ERAP2: variants seen among roughly 807,000 people sequenced by gnomAD.
The protein encoded by ERAP2 is endoplasmic reticulum aminopeptidase 2.
Under a neutral mutation model 111.1 loss-of-function variants are expected in ERAP2, and 118 were observed. The observed-to-expected ratio is 1.06, with a 90% CI of 0.92 to 1.24. The LOEUF (loss-of-function observed/expected upper bound fraction) is 1.24. ERAP2 is among the 50% of genes most tolerant of loss of function. ERAP2 has a pLI of 0.00. For synonymous variants in ERAP2, 410 were observed against 401.2 expected (o/e 1.02, Z -0.26); for missense variants, 1,131 against 1,125.8 (o/e 1.00, Z -0.07).
chr5:96,900,679 T>G (rs572824656), intron 10 of ERAP2, among the ~76,000 whole-genome samples: 4 of 152,098 alleles, frequency 2.6e-5, no homozygotes, highest in African/African-American at 9.6e-5. Context: ...ATACATAAAT[T>G]TATATTTATT....
At position 96,909,062 on chromosome 5, in the gene ERAP2, C is replaced by G; in HGVS notation, c.2114C>G (p.Ser705Trp). 1 of 1,614,112 alleles carries G rather than the reference C, an allele frequency of 6.2e-7. No individual in the cohort carries two copies. The highest frequency in any genetic ancestry group is 8.5e-7 in the Non-Finnish European group (1 of 1,179,988). ...CTCGAAGGTCTGAGTTACTTGGAATCGTTTTACCACATGATGGACAGAAGG... is the reference window on the plus strand; with the variant it reads ...CTCGAAGGTCTGAGTTACTTGGAATGGTTTTACCACATGATGGACAGAAGG... ...ALLEGLSYLE[S>W]FYHMMDRRNI... is the part of the protein sequence containing the mutation. Residue 705 changes from serine (S) to tryptophan (W), a missense_variant, in exon 14 of 19, where the codon TCG becomes TGG. By Grantham distance (177) the Ser-to-Trp change is radical (BLOSUM62 -3). Around this residue, in one of 3 missense-constraint regions of ERAP2, gnomAD observed 847 missense variants for 856.5 expected, o/e 0.99. Coordinates refer to ENST00000437043, the MANE Select transcript of ERAP2 (RefSeq NM_022350.5).
chr5:96,898,572 CAAA>C (rs770783071), intron 9 of ERAP2, among the ~76,000 whole-genome samples: 3 of 94,448 alleles, frequency 3.2e-5, no homozygotes, highest in Admixed American at 1.2e-4. Context: ...TACTAAAATA[CAAA>C]AAAAAAAAAA....
At chr5:96,889,342 C>T in intron 5 of ERAP2, 37 bp downstream of exon 5, 2 of 1,611,814 alleles carry the variant, frequency 1.2e-6, no homozygotes, top group South Asian at 1.1e-5. Flanking sequence ...TTCATTTTTG[C>T]TCATAAAACT....
At chr5:96,904,358 C>T (rs1785805187) in intron 13 of ERAP2, among the ~76,000 whole-genome samples, 1 of 152,198 alleles carries the variant, frequency 6.6e-6, no homozygotes, top group East Asian at 1.9e-4. Context: ...TACTGTGATG[C>T]ACTCACTTTA....
rs745754987 is a variant in ERAP2, at chr5:96,883,774, G to A, written c.576-18G>A. ...GATTTCACTTGTGCATTTTGGCTGG[G>A]GGTGGGTCTTTTCACAGAATTCTTG... On this transcript the variant is annotated intron_variant, in intron 2 of 18. Transcript: ENST00000437043. 2 of 1,605,956 alleles carry A rather than the reference G, an allele frequency of 1.2e-6. No individual in the cohort carries two copies. Among genetic ancestry groups the A allele is most frequent in the East Asian group, 2.2e-5 (1 of 44,532 alleles).
At position 96,886,725 on chromosome 5, in the gene ERAP2, A is replaced by T. The variant is rs765050239; in HGVS notation, c.785A>T (p.Tyr262Phe). The T allele has an allele frequency of 1.3e-6, 2 of 1,551,504 alleles. No homozygotes were observed. Among genetic ancestry groups the T allele is most frequent in the Admixed American group, 3.4e-5 (2 of 58,442 alleles). Residue 262 changes from tyrosine (Y) to phenylalanine (F), a missense_variant, in exon 4 of 19, where the codon TAC becomes TTC. Coordinates refer to ENST00000437043, the MANE Select transcript of ERAP2 (RefSeq NM_022350.5). ...HFETTVKMST[Y>F]LVAYIVCDFH... is the part of the protein sequence containing the mutation. Reference sequence around the variant, plus strand: ...GAAACTACTGTAAAAATGAGTACATACCTTGTAGCCTACATAGTTTGTGAT... The same window carrying T: ...GAAACTACTGTAAAAATGAGTACATTCCTTGTAGCCTACATAGTTTGTGAT...
In ERAP2 at chr5:96,918,143, T is replaced by C. The variant is rs1008161373; in HGVS notation, c.*538T>C. 3.3e-5 allele frequency: 5 copies of C among 152,352 alleles called. No homozygotes were observed. Among genetic ancestry groups the C allele is most frequent in the African/African-American group, 4.8e-5 (2 of 41,412 alleles). The allele number at this position is 152,352 out of a possible 1,614,324, so 9.4% of individuals were successfully genotyped here. Reference sequence around the variant, plus strand: ...TGATGGAGTGGTGGGGGAAGGCCAGTTCAGTATCCTATTTAAAAGTAAACT... The same window carrying C: ...TGATGGAGTGGTGGGGGAAGGCCAGCTCAGTATCCTATTTAAAAGTAAACT... On this transcript the variant is annotated 3_prime_UTR_variant, in exon 19 of 19. Coordinates refer to ENST00000437043, the MANE Select transcript of ERAP2 (RefSeq NM_022350.5).
intron 17 of ERAP2, among the ~76,000 whole-genome samples, chr5:96,915,112 A>G (rs775962361): frequency 6.6e-6 from 1 of 151,436 alleles, no homozygotes; most frequent in Non-Finnish European, 1.5e-5. Context: ...GGTTCAAGTG[A>G]CTCTCCTGCC....
At position 96,919,565 on chromosome 5, in the gene ERAP2, T is replaced by C. The variant is rs540515151; in HGVS notation, c.*1960T>C. ...TTCTTTTGTATTGTTATTTACAATA[T>C]TGTTAAATTGAATGCATTTGCAATT... On this transcript the variant is annotated 3_prime_UTR_variant, in exon 19 of 19. Coordinates refer to ENST00000437043, the MANE Select transcript of ERAP2 (RefSeq NM_022350.5). The C allele has an allele frequency of 6.6e-6, 1 of 152,410 alleles. No individual in the cohort carries two copies. Among genetic ancestry groups the C allele is most frequent in the South Asian group, 2.1e-4 (1 of 4,828 alleles). The allele number at this position is 152,410 out of a possible 1,614,324, so 9.4% of individuals were successfully genotyped here. A position where few individuals can be genotyped will look rare whatever the true frequency, so the allele number is the denominator to read the frequency against.
intron 6 of ERAP2, among the ~76,000 whole-genome samples, chr5:96,894,005 T>C (rs1379961650): frequency 6.6e-6 from 1 of 152,206 alleles, no homozygotes. Context: ...CAAAACTGAT[T>C]ATTTCCTCCT....
intron 6 of ERAP2, among the ~76,000 whole-genome samples, chr5:96,894,540 TAAAAC>T (rs1784674859): frequency 1.3e-5 from 2 of 152,084 alleles, no homozygotes; most frequent in African/African-American, 4.8e-5. Context: ...ACTAAATAAA[TAAAAC>T]ATAAAAGCAC....
intron 11 of ERAP2, 92 bp from the exon 12 acceptor site, chr5:96,902,182 T>C: frequency 1.2e-6 from 1 of 826,772 alleles, no homozygotes; most frequent in South Asian, 1.5e-5. Context: ...GATGGGTACT[T>C]AGGTGCCTTT....
chr5:96,887,711 T>C (rs962310391), intron 4 of ERAP2, among the ~76,000 whole-genome samples: 5 of 152,252 alleles, frequency 3.3e-5, no homozygotes, highest in African/African-American at 7.2e-5. Context: ...ATTATCTTTG[T>C]AGTTAAATAT....
In ERAP2 at chr5:96,909,074, T is replaced by TCGTTTGTCCACA; in HGVS notation, c.2126_2127insCGTTTGTCCACA (p.Met709delinsIleValCysProGln). On this transcript the variant is annotated protein_altering_variant, in exon 14 of 19. Transcript: ENST00000437043. Reference sequence around the variant, plus strand: ...AGTTACTTGGAATCGTTTTACCACATGATGGACAGAAGGAATATTTCAGAT... The same window carrying TCGTTTGTCCACA: ...AGTTACTTGGAATCGTTTTACCACATCGTTTGTCCACAGATGGACAGAAGGAATATTTCAGAT... 6.2e-7 allele frequency: 1 copy of TCGTTTGTCCACA among 1,614,118 alleles called. No homozygotes were observed. The highest frequency in any genetic ancestry group is 8.5e-7 in the Non-Finnish European group (1 of 1,179,992).
chr5:96,886,537 G>T, intron 3 of ERAP2, 118 bp from the exon 4 acceptor site: 2 of 758,944 alleles, frequency 2.6e-6, no homozygotes, highest in Middle Eastern at 4.3e-4. Flanking sequence ...CCCCTAGGAG[G>T]TCATCGATTG....
intron 5 of ERAP2, among the ~76,000 whole-genome samples, chr5:96,891,917 T>C (rs1020924209): frequency 1.3e-5 from 2 of 152,180 alleles, no homozygotes; most frequent in African/African-American, 4.8e-5. Context: ...CTCAAACATA[T>C]TAGAAATTAT....
chr5:96,876,964 A>G (rs1195167751), intron 1 of ERAP2, among the ~76,000 whole-genome samples: 1 of 151,828 alleles, frequency 6.6e-6, no homozygotes, highest in Non-Finnish European at 1.5e-5. Context: ...ATTTAATTTA[A>G]TTTATGTATT....
intron 6 of ERAP2, among the ~76,000 whole-genome samples, chr5:96,893,818 A>T (rs1784611650): frequency 6.6e-6 from 1 of 152,158 alleles, no homozygotes; most frequent in African/African-American, 2.4e-5. Flanking sequence ...CCCATGACCC[A>T]GCTCCTTTTT....
chr5:96,889,038 T>A, intron 4 of ERAP2, 147 bp from the exon 5 acceptor site: 2 of 942,772 alleles, frequency 2.1e-6, no homozygotes, highest in Non-Finnish European at 3.1e-6. Flanking sequence ...TCACAGAACC[T>A]CTTATCCTTA....
Sources: gnomAD v4.1 joint callset for allele counts (sites outside exome capture counted in the v4.1 genomes callset) on GRCh38, gnomAD v4.1.1 for gene constraint, gnomAD v4.1.1 regional missense constraint, MANE v1.5 for transcripts, NCBI Gene and HGNC (gene_info 2026-07-23, HGNC 2026-07-21) for gene names.